UVRAG: variants seen among roughly 807,000 people sequenced by gnomAD.
The protein encoded by UVRAG is UV radiation resistance associated, also known as UV radiation resistance-associated gene protein.
Under a neutral mutation model 78.0 loss-of-function variants are expected in UVRAG, and 19 were observed. That is an observed-to-expected ratio of 0.24 (90% confidence interval 0.17 to 0.36). The LOEUF (loss-of-function observed/expected upper bound fraction) is 0.36, where lower values mean the gene tolerates loss of function less well. Among genes scored for constraint, UVRAG ranks in the 10% least tolerant of loss-of-function variants. The probability of loss-of-function intolerance (pLI) is 1.00; values close to 1 mark genes in which losing one functional copy is unlikely to be tolerated. For missense variants in UVRAG, 740 were observed against 853.8 expected, an observed-to-expected ratio of 0.87 and a Z score of 1.66; for synonymous variants, 323 against 324.6, an observed-to-expected ratio of 1.00 and a Z score of 0.05.
chr11:76,000,449 A>G (rs1434539231), intron 8 of UVRAG, among the ~76,000 whole-genome samples: 1 of 152,030 alleles, frequency 6.6e-6, no homozygotes, highest in Non-Finnish European at 1.5e-5. Context: ...CACACAAAAA[A>G]ACTTAAAAAT....
intron 6 of UVRAG, among the ~76,000 whole-genome samples, chr11:75,958,663 T>C (rs925453830): frequency 2.0e-5 from 3 of 152,180 alleles, no homozygotes; most frequent in Non-Finnish European, 4.4e-5. Flanking sequence ...CCTGTTAATG[T>C]TGATATTTTT....
intron 5 of UVRAG, chr11:75,892,417 A>G (rs1238840758): frequency 1.3e-5 from 13 of 984,064 alleles, no homozygotes; most frequent in South Asian, 4.7e-5. Flanking sequence ...TCTAACGGGA[A>G]TAATAGCTAG....
At chr11:76,001,818 A>G (rs1949819508) in intron 8 of UVRAG, among the ~76,000 whole-genome samples, 1 of 152,194 alleles carries the variant, frequency 6.6e-6, no homozygotes, top group Admixed American at 6.5e-5. Context: ...TTTACTGATA[A>G]TGGATAGTTA....
At chr11:75,877,930 T>C (rs1332939644) in intron 3 of UVRAG, among the ~76,000 whole-genome samples, 1 of 140,868 alleles carries the variant, frequency 7.1e-6, no homozygotes, top group Non-Finnish European at 1.5e-5. Flanking sequence ...CCCACCTCCC[T>C]CCTGGACGGG....
intron 7 of UVRAG, among the ~76,000 whole-genome samples, chr11:75,973,851 C>T (rs1265888024): frequency 1.3e-5 from 2 of 152,174 alleles, no homozygotes; most frequent in Non-Finnish European, 2.9e-5. Context: ...TGATGGTTTC[C>T]AGCTTCATCC....
At chr11:75,937,867 C>T (rs951942582) in intron 6 of UVRAG, among the ~76,000 whole-genome samples, 1 of 152,152 alleles carries the variant, frequency 6.6e-6, no homozygotes, top group African/African-American at 2.4e-5. Context: ...TGAACTCCAT[C>T]TAAATGTATA....
At chr11:75,936,756 AC>A (rs1948381099) in intron 6 of UVRAG, among the ~76,000 whole-genome samples, 1 of 152,166 alleles carries the variant, frequency 6.6e-6, no homozygotes, top group Non-Finnish European at 1.5e-5. Context: ...TAATAAAAAA[AC>A]CCACTGTTGA....
intron 3 of UVRAG, among the ~76,000 whole-genome samples, chr11:75,878,767 A>G (rs1029000140): frequency 6.6e-6 from 1 of 152,090 alleles, no homozygotes; most frequent in Non-Finnish European, 1.5e-5. Context: ...AGGCTGAGGC[A>G]GGAGAATCAG....
intron 8 of UVRAG, among the ~76,000 whole-genome samples, chr11:76,000,620 A>G (rs1008866035): frequency 6.6e-6 from 1 of 152,178 alleles, no homozygotes; most frequent in Non-Finnish European, 1.5e-5. Flanking sequence ...GTTTCTTAAA[A>G]AAAAAAGGAA....
intron 2 of UVRAG, among the ~76,000 whole-genome samples, chr11:75,859,439 A>G (rs1246541418): frequency 6.6e-6 from 1 of 151,972 alleles, no homozygotes; most frequent in Non-Finnish European, 1.5e-5. Context: ...AAAACTAAAC[A>G]ATTTTATTAA....
chr11:76,049,268 AT>A (rs1166327401), intron 12 of UVRAG, among the ~76,000 whole-genome samples: 1 of 152,222 alleles, frequency 6.6e-6, no homozygotes, highest in East Asian at 1.9e-4. Flanking sequence ...AACTTTCCAA[AT>A]ATTCTACCCA....
Position 76,032,946 on chromosome 11 carries a change from G to A in UVRAG, c.1226+15966G>A, listed in dbSNP as rs560592746. On this transcript the variant is annotated intron_variant, in intron 12 of 14. Transcript: ENST00000356136. ...AGTATAAATTAAACTTACCTTCAAA[G>A]ATGATTAGCTTTAAGTGGTTAATAT... Among the ~76,000 whole-genome samples, 28 of 152,286 alleles carry A rather than the reference G, an allele frequency of 1.8e-4. No homozygotes were observed. In the South Asian group the frequency reaches 5.8e-3, roughly 32 times the overall value.
intron 12 of UVRAG, among the ~76,000 whole-genome samples, chr11:76,024,085 T>C (rs530094544): frequency 1.3e-5 from 2 of 152,324 alleles, no homozygotes; most frequent in South Asian, 2.1e-4. Context: ...AGTGCCGTAA[T>C]GTTCAAATTA....
At chr11:76,129,973 C>T (rs1952483874) in intron 14 of UVRAG, among the ~76,000 whole-genome samples, 1 of 151,952 alleles carries the variant, frequency 6.6e-6, no homozygotes, top group African/African-American at 2.4e-5. Context: ...TCTTCTTTGC[C>T]TGAAAGTTCT....
chr11:76,026,339 T>C (rs1048223612), intron 12 of UVRAG, among the ~76,000 whole-genome samples: 4 of 152,276 alleles, frequency 2.6e-5, no homozygotes, highest in Middle Eastern at 6.8e-3. Context: ...GTTGACAACA[T>C]CTTATATTAA....
chr11:76,067,003 C>G (rs374039006), intron 13 of UVRAG, among the ~76,000 whole-genome samples: 3 of 152,280 alleles, frequency 2.0e-5, no homozygotes, highest in African/African-American at 7.2e-5. Flanking sequence ...TAAACATTCC[C>G]TTATTCATTT....
rs372629462 is a variant in UVRAG at position 76,038,356 on chromosome 11, C to CA, written c.1226+21386dup. On this transcript the variant is annotated intron_variant, in intron 12 of 14. Coordinates refer to ENST00000356136, the MANE Select transcript of UVRAG (RefSeq NM_003369.4). ...AAATTTCCTGGGGACATGGTTTATG[C>CA]AAAAAAAAAATACAAATTGCAAAAA... Among the ~76,000 whole-genome samples the CA allele has an allele frequency of 8.6e-3, 1,235 of 143,232 alleles. 13 individuals are homozygous for CA. The highest frequency in any genetic ancestry group is 0.026 in the African/African-American group (1,006 of 39,096). The allele number at this position is 143,232 out of a possible 152,430, so 94.0% of individuals were successfully genotyped here.
chr11:75,956,147 A>G (rs908803965), intron 6 of UVRAG, among the ~76,000 whole-genome samples: 27 of 152,264 alleles, frequency 1.8e-4, no homozygotes, highest in Admixed American at 6.5e-5. Context: ...GTAGATTTTC[A>G]TTATATGAAT....
intron 11 of UVRAG, among the ~76,000 whole-genome samples, chr11:76,012,633 G>A (rs1293830196): frequency 6.6e-6 from 1 of 152,078 alleles, no homozygotes; most frequent in East Asian, 1.9e-4. Flanking sequence ...GATACTGTTT[G>A]AGAAACTCCA....
Sources: gnomAD v4.1 joint callset for allele counts (sites outside exome capture counted in the v4.1 genomes callset) on GRCh38, gnomAD v4.1.1 for gene constraint, MANE v1.5 for transcripts, NCBI Gene and HGNC (gene_info 2026-07-23, HGNC 2026-07-21) for gene names.